NOD1: variants seen among roughly 807,000 people sequenced by gnomAD.
NOD1 encodes nucleotide binding oligomerization domain containing 1, also known as nucleotide-binding oligomerization domain-containing protein 1.
In NOD1, 70 loss-of-function variants were observed where a neutral mutation model predicts 81.2. The observed-to-expected ratio is 0.86, with a 90% CI of 0.71 to 1.05. NOD1 has a LOEUF of 1.05. Ranked by LOEUF, NOD1 falls within the 50% of genes least tolerant of loss-of-function variation. The pLI, the probability that NOD1 is intolerant of heterozygous loss-of-function variation, is 0.00. For missense variants in NOD1, 1,233 were observed against 1,228.0 expected, an observed-to-expected ratio of 1.00 and a Z score of -0.06; for synonymous variants, 508 against 526.9, an observed-to-expected ratio of 0.96 and a Z score of 0.49.
intron 12 of NOD1, 35 bp from the exon 13 acceptor site, chr7:30,429,492 A>T (rs1783758967): frequency 6.3e-7 from 1 of 1,583,586 alleles, no homozygotes; most frequent in East Asian, 2.2e-5. Flanking sequence ...AAAATCCATA[A>T]TACTGGATCA....
intron 5 of NOD1, among the ~76,000 whole-genome samples, chr7:30,454,458 T>G (rs563342609): frequency 1.3e-5 from 2 of 152,300 alleles, no homozygotes; most frequent in Non-Finnish European, 2.9e-5. Context: ...CTCACCACTG[T>G]CTCCCTGACA....
chr7:30,446,938 C>T, intron 8 of NOD1, 29 bp downstream of exon 8: 2 of 1,575,226 alleles, frequency 1.3e-6, no homozygotes, highest in East Asian at 2.2e-5. Context: ...AGAGAATATA[C>T]TAAGGAACCT....
intron 1 of NOD1, chr7:30,468,708 TCCA>T: frequency 1.8e-6 from 1 of 554,002 alleles, no homozygotes; most frequent in Non-Finnish European, 2.3e-6. Context: ...TAGAGTGGGC[TCCA>T]CCAACCCCCA....
chr7:30,454,962 A>G (rs1336545161), intron 5 of NOD1, among the ~76,000 whole-genome samples, 175 bp downstream of exon 5: 2 of 152,242 alleles, frequency 1.3e-5, no homozygotes, highest in Non-Finnish European at 2.9e-5. Context: ...GGGCAGTTCA[A>G]TCGCAGCCAC....
chr7:30,429,933 ATTGC>A (rs1462523406), intron 12 of NOD1, among the ~76,000 whole-genome samples: 1 of 152,186 alleles, frequency 6.6e-6, no homozygotes, highest in Non-Finnish European at 1.5e-5. Context: ...AGGTAGGAGA[ATTGC>A]TTGAACTGGG....
At position 30,451,125 on chromosome 7, in the gene NOD1, TG is replaced by T; in HGVS notation, c.2201+90del. Reference sequence around the variant, plus strand: ...TTCCAAGGGCCATGGTCATGAGTCCTGGGGGATCCTGGTCCATGATGCCATT... The same window carrying T: ...TTCCAAGGGCCATGGTCATGAGTCCTGGGGATCCTGGTCCATGATGCCATT... On this transcript the variant is annotated intron_variant, in intron 6 of 13. Coordinates refer to ENST00000222823, the MANE Select transcript of NOD1 (RefSeq NM_006092.4). The surrounding 1 kb of genome is among the most constrained non-coding windows in gnomAD (Gnocchi z 4.2). The T allele has an allele frequency of 1.4e-6, 2 of 1,419,726 alleles. No homozygotes were observed. Among genetic ancestry groups the T allele is most frequent in the Non-Finnish European group, 1.9e-6 (2 of 1,049,244 alleles). 87.9% of individuals were successfully genotyped at this position (1,419,726 alleles called of 1,614,324 possible).
intron 2 of NOD1, among the ~76,000 whole-genome samples, 160 bp downstream of exon 2, chr7:30,459,741 G>A (rs953559024): frequency 2.0e-5 from 3 of 152,208 alleles, no homozygotes; most frequent in African/African-American, 7.2e-5. Context: ...TCACAAGGCT[G>A]AGAGAAAACT....
intron 1 of NOD1, among the ~76,000 whole-genome samples, chr7:30,473,769 A>G (rs1788508264): frequency 6.6e-6 from 1 of 152,288 alleles, no homozygotes; most frequent in Non-Finnish European, 1.5e-5. Context: ...GGAGGTAGGT[A>G]GAATAAGCAG....
chr7:30,468,707 C>G, intron 1 of NOD1: 6 of 538,350 alleles, frequency 1.1e-5, no homozygotes, highest in Non-Finnish European at 1.4e-5. Flanking sequence ...TTAGAGTGGG[C>G]TCCACCAACC....
chr7:30,465,490 T>C (rs894848865), intron 1 of NOD1, among the ~76,000 whole-genome samples: 1 of 152,194 alleles, frequency 6.6e-6, no homozygotes, highest in Admixed American at 6.5e-5. Flanking sequence ...CCATTGTGAC[T>C]ATGAGCGCCT....
chr7:30,437,309 G>A (rs1455484632), intron 10 of NOD1, among the ~76,000 whole-genome samples: 1 of 152,106 alleles, frequency 6.6e-6, no homozygotes, highest in African/African-American at 2.4e-5. Flanking sequence ...GTTGATAGGT[G>A]CAGCAAATCA....
intron 11 of NOD1, among the ~76,000 whole-genome samples, chr7:30,435,323 G>A (rs1784290175): frequency 1.3e-5 from 2 of 152,116 alleles, no homozygotes; most frequent in Admixed American, 1.3e-4. Flanking sequence ...CTGGGGGAAG[G>A]CAGATGAAGA....
Position 30,451,845 on chromosome 7 carries a change from AAAG to A in NOD1, c.1569_1571del (p.Phe524del). 6.2e-7 allele frequency: 1 copy of A among 1,613,852 alleles called. No individual in the cohort carries two copies. Among genetic ancestry groups the A allele is most frequent in the South Asian group, 1.1e-5 (1 of 91,082 alleles). On this transcript the variant is annotated inframe_deletion, in exon 6 of 14. Coordinates refer to ENST00000222823, the MANE Select transcript of NOD1 (RefSeq NM_006092.4). The surrounding 1 kb of genome is among the most constrained non-coding windows in gnomAD (Gnocchi z 4.2). Reference sequence around the variant, plus strand: ...CGTCCAGCACGAGGAAGAAGGCTGTAAAGAAGGCCTGGAGGGTGAGGTGGAAAA... The same window carrying A: ...CGTCCAGCACGAGGAAGAAGGCTGTAAAGGCCTGGAGGGTGAGGTGGAAAA...
Position 30,470,014 on chromosome 7 carries a change from C to A in NOD1, c.-352+8592G>T, listed in dbSNP as rs1788101207. Among the ~76,000 whole-genome samples the A allele has an allele frequency of 2.6e-5, 4 of 151,222 alleles. 1 individual carries two copies. Among genetic ancestry groups the A allele is most frequent in the Admixed American group, 2.6e-4 (4 of 15,248 alleles). ...GAAGGCCCATGGTATTCTATCCCCG[C>A]CTCTCTCAGAGGGCGTGCAACTTTG... On this transcript the variant is annotated intron_variant, in intron 1 of 13. Coordinates refer to ENST00000222823, the MANE Select transcript of NOD1 (RefSeq NM_006092.4).
chr7:30,436,064 A>G lies in NOD1; in HGVS notation c.2555T>C (p.Ile852Thr), dbSNP rs566166141. 15 of 1,614,048 alleles carry G rather than the reference A, an allele frequency of 9.3e-6. No individual in the cohort carries two copies. The South Asian group carries it at 1.3e-4, about 14-fold the overall frequency. ...LTTLSLASNG[I>T]STEGGKSLAR... ...AAGGCTCTTTCCTCCTTCTGTGGAG[A>G]TGCCGTTGGACGCAAGACTAGGAAG... Residue 852 changes from isoleucine to threonine, a missense_variant, in exon 11 of 14, where the codon ATC becomes ACC. Transcript: ENST00000222823.
At chr7:30,445,664 C>T (rs1483503442) in intron 9 of NOD1, among the ~76,000 whole-genome samples, 7 of 143,224 alleles carry the variant, frequency 4.9e-5, no homozygotes, top group African/African-American at 1.3e-4. Context: ...GTGGCTGAGG[C>T]GAGAGAATCG....
intron 9 of NOD1, among the ~76,000 whole-genome samples, chr7:30,445,700 A>C (rs897887769): frequency 7.0e-6 from 1 of 142,236 alleles, no homozygotes; most frequent in Non-Finnish European, 1.5e-5. Flanking sequence ...CAGAGGTTGC[A>C]GTGAGCCGAG....
chr7:30,462,641 G>A (rs1017674518), intron 1 of NOD1, among the ~76,000 whole-genome samples: 2 of 152,122 alleles, frequency 1.3e-5, no homozygotes, highest in African/African-American at 4.8e-5. Flanking sequence ...CTGAGTGAGA[G>A]AAGCCAGACT....
chr7:30,453,116 A>C, intron 5 of NOD1, 76 bp from the exon 6 acceptor site: 897 of 1,476,658 alleles, frequency 6.1e-4, no homozygotes, highest in Non-Finnish European at 7.6e-4. Context: ...GGGAGGTCTC[A>C]AAGAGGAGAG....
Sources: gnomAD v4.1 joint callset for allele counts (sites outside exome capture counted in the v4.1 genomes callset) on GRCh38, gnomAD v4.1.1 for gene constraint, Gnocchi (gnomAD v3.1) non-coding constraint, MANE v1.5 for transcripts, NCBI Gene and HGNC (gene_info 2026-07-23, HGNC 2026-07-21) for gene names.